GRID2: variants seen among roughly 807,000 people sequenced by gnomAD.
GRID2 encodes glutamate receptor ionotropic, delta-2.
In GRID2, 33 loss-of-function variants were observed where a neutral mutation model predicts 114.8. The observed-to-expected ratio is 0.29, with a 90% CI of 0.22 to 0.38. The LOEUF is 0.38. GRID2 is among the 10% of genes least tolerant of loss of function. The probability of loss-of-function intolerance (pLI) is 1.00; values close to 1 mark genes in which losing one functional copy is unlikely to be tolerated. For missense variants in GRID2, 1,184 were observed against 1,257.7 expected (o/e 0.94, Z 0.89); for synonymous variants, 505 against 449.9 (o/e 1.12, Z -1.55).
chr4:93,230,127 T>A (rs1480768874), intron 7 of GRID2, among the ~76,000 whole-genome samples: 1 of 145,134 alleles, frequency 6.9e-6, no homozygotes, highest in Non-Finnish European at 1.5e-5. Context: ...TTCTAAACTT[T>A]AATAGGATGT....
intron 2 of GRID2, among the ~76,000 whole-genome samples, chr4:92,637,473 T>C (rs578113486): frequency 2.0e-5 from 3 of 152,066 alleles, no homozygotes; most frequent in African/African-American, 4.8e-5. Context: ...TGGAGTTGTA[T>C]TGTGAATATA....
Position 92,963,071 on chromosome 4 carries a change from C to T in GRID2, c.245-121924C>T, listed in dbSNP as rs140666230. Among the ~76,000 whole-genome samples, 19 of 152,046 alleles carry T rather than the reference C, an allele frequency of 1.2e-4. No individual in the cohort carries two copies. The East Asian group carries it at 3.7e-3, about 29-fold the overall frequency. On this transcript the variant is annotated intron_variant, in intron 2 of 15. Coordinates refer to ENST00000282020, the MANE Select transcript of GRID2 (RefSeq NM_001510.4). ...TATGTCTAAAAAAACAACATGAATA[C>T]CTTAATTTAAAATACTTCATTTCTA...
At chr4:92,652,226 G>T (rs527434848) in intron 2 of GRID2, among the ~76,000 whole-genome samples, 1 of 152,072 alleles carries the variant, frequency 6.6e-6, no homozygotes, top group South Asian at 2.1e-4. Flanking sequence ...ACACTGGTGA[G>T]GGCAGATCTT....
chr4:92,341,562 A>G (rs1727489255), intron 1 of GRID2, among the ~76,000 whole-genome samples: 1 of 152,192 alleles, frequency 6.6e-6, no homozygotes, highest in Non-Finnish European at 1.5e-5. Flanking sequence ...ACAAGCAGAT[A>G]AACACTTGAG....
chr4:92,681,542 G>A (rs1046525581), intron 2 of GRID2, among the ~76,000 whole-genome samples: 1 of 152,080 alleles, frequency 6.6e-6, no homozygotes, highest in African/African-American at 2.4e-5. Flanking sequence ...GCCTATTGTG[G>A]GGTGGGGAGA....
intron 2 of GRID2, among the ~76,000 whole-genome samples, chr4:92,633,990 T>C (rs1730937344): frequency 6.6e-6 from 1 of 151,974 alleles, no homozygotes; most frequent in African/African-American, 2.4e-5. Context: ...ACCTCTCTTC[T>C]CTCTGTTTTT....
At chr4:92,358,252 T>C (rs1385282074) in intron 1 of GRID2, among the ~76,000 whole-genome samples, 1 of 151,978 alleles carries the variant, frequency 6.6e-6, no homozygotes, top group East Asian at 1.9e-4. Context: ...TTCATGTTGT[T>C]CACTGGAGAG....
rs190847144 is a variant in GRID2 at position 92,922,329 on chromosome 4, G to T, written c.245-162666G>T. On this transcript the variant is annotated intron_variant, in intron 2 of 15. Coordinates refer to ENST00000282020, the MANE Select transcript of GRID2 (RefSeq NM_001510.4). ...AATGACTCACCCTGCTTCGGCTCAT[G>T]TTTGGTGCACTGCACCCTCTGTCCT... 8.9e-4 allele frequency among the ~76,000 whole-genome samples: 135 copies of T among 152,206 alleles called. 4 individuals carry two copies. In the East Asian group the frequency reaches 0.018, roughly 20 times the overall value.
intron 14 of GRID2, among the ~76,000 whole-genome samples, chr4:93,664,863 A>G (rs565240358): frequency 6.6e-6 from 1 of 152,326 alleles, no homozygotes; most frequent in Non-Finnish European, 1.5e-5. Context: ...ATTCAACAAA[A>G]GAAGAGGTAT....
intron 2 of GRID2, among the ~76,000 whole-genome samples, chr4:92,715,194 C>T (rs1201713531): frequency 1.3e-5 from 2 of 152,158 alleles, no homozygotes; most frequent in Non-Finnish European, 2.9e-5. Flanking sequence ...GGCAAAATGC[C>T]ATCAGTCTGT....
intron 2 of GRID2, among the ~76,000 whole-genome samples, chr4:93,042,299 C>CTCTCTA (rs1322225581): frequency 1.4e-4 from 14 of 102,646 alleles, no homozygotes; most frequent in South Asian, 3.2e-4. Context: ...CTCTCTCTCT[C>CTCTCTA]TATATATATA....
chr4:93,463,457 T>C (rs574154690), intron 11 of GRID2, among the ~76,000 whole-genome samples: 36 of 152,312 alleles, frequency 2.4e-4, no homozygotes, highest in African/African-American at 8.7e-4. Flanking sequence ...CAACTGGGCT[T>C]TTGAAGAGTT....
chr4:93,354,023 G>GCACA (rs72026131), intron 8 of GRID2, among the ~76,000 whole-genome samples: 20 of 100,232 alleles, frequency 2.0e-4, no homozygotes, highest in African/African-American at 8.2e-4. Flanking sequence ...GCACACACAT[G>GCACA]CACACACACA....
At chr4:93,173,014 A>G (rs1352408688) in intron 4 of GRID2, among the ~76,000 whole-genome samples, 2 of 152,104 alleles carry the variant, frequency 1.3e-5, no homozygotes, top group Non-Finnish European at 2.9e-5. Flanking sequence ...TGAAGAAAAT[A>G]TTATTTTTCT....
chr4:93,341,387 C>A (rs1759640293), intron 8 of GRID2, among the ~76,000 whole-genome samples: 1 of 151,732 alleles, frequency 6.6e-6, no homozygotes, highest in Non-Finnish European at 1.5e-5. Flanking sequence ...CGCAGTGGTG[C>A]AATTTTGGCT....
chr4:92,991,486 G>A (rs1578694244), intron 2 of GRID2, among the ~76,000 whole-genome samples: 1 of 152,142 alleles, frequency 6.6e-6, no homozygotes, highest in South Asian at 2.1e-4. Flanking sequence ...AACCATCTCC[G>A]TGCAAATAAT....
intron 2 of GRID2, among the ~76,000 whole-genome samples, chr4:92,777,654 A>T (rs1299118097): frequency 6.6e-6 from 1 of 151,826 alleles, no homozygotes; most frequent in East Asian, 1.9e-4. Context: ...AGGTTAAATA[A>T]GGTCATCGAG....
At chr4:92,761,007 T>C (rs1466241569) in intron 2 of GRID2, among the ~76,000 whole-genome samples, 1 of 152,182 alleles carries the variant, frequency 6.6e-6, no homozygotes, top group Non-Finnish European at 1.5e-5. Context: ...GTTAAATCCA[T>C]ATATGGCAAC....
chr4:93,403,830 TG>T (rs766865573), intron 9 of GRID2, among the ~76,000 whole-genome samples: 26 of 152,224 alleles, frequency 1.7e-4, no homozygotes, highest in Admixed American at 4.6e-4. Flanking sequence ...GTTCCTCAAA[TG>T]GTTAAAAGTA....
Sources: allele counts gnomAD v4.1 joint callset (sites outside exome capture counted in the v4.1 genomes callset), GRCh38; gene constraint gnomAD v4.1.1; transcripts MANE v1.5; gene names NCBI Gene and HGNC (gene_info 2026-07-23, HGNC 2026-07-21).